Variants in ASIC2 observed in about 807,000 individuals in gnomAD.
The protein encoded by ASIC2 is acid sensing ion channel subunit 2, also known as acid-sensing ion channel 2.
In ASIC2, 25 loss-of-function variants were observed where a neutral mutation model predicts 57.3. The ratio of observed to expected loss-of-function variants is 0.44; its 90% CI spans 0.32 to 0.61. The LOEUF is 0.61. ASIC2 is among the 20% of genes least tolerant of loss of function. The pLI, the probability that ASIC2 is intolerant of heterozygous loss-of-function variation, is 0.06. For synonymous variants in ASIC2, 319 were observed against 307.5 expected, an observed-to-expected ratio of 1.04 and a Z score of -0.39; for missense variants, 641 against 738.1, an observed-to-expected ratio of 0.87 and a Z score of 1.52.
chr17:33,895,166 ATTT>A (rs11387427), intron 1 of ASIC2, among the ~76,000 whole-genome samples: 2 of 143,948 alleles, frequency 1.4e-5, no homozygotes, highest in Non-Finnish European at 1.5e-5. Flanking sequence ...TTTTTTTGCT[ATTT>A]TTTTTTTTTT....
intron 1 of ASIC2, among the ~76,000 whole-genome samples, chr17:33,573,982 C>T (rs1437792060): frequency 1.3e-5 from 2 of 152,122 alleles, no homozygotes; most frequent in Non-Finnish European, 2.9e-5. Flanking sequence ...GCTGCTTACT[C>T]ATTTGACCAT....
chr17:33,759,217 G>C (rs1478024578), intron 1 of ASIC2, among the ~76,000 whole-genome samples: 1 of 152,210 alleles, frequency 6.6e-6, no homozygotes, highest in Non-Finnish European at 1.5e-5. Context: ...CATCCTTGTT[G>C]TAAATTGGCA....
intron 1 of ASIC2, among the ~76,000 whole-genome samples, chr17:33,663,589 A>G (rs1907369679): frequency 6.6e-6 from 1 of 152,106 alleles, no homozygotes; most frequent in Admixed American, 6.5e-5. Context: ...TTTCATTTTG[A>G]AAGTCTTCCC....
chr17:33,919,359 G>A (rs1915658517), intron 1 of ASIC2, among the ~76,000 whole-genome samples: 1 of 152,178 alleles, frequency 6.6e-6, no homozygotes, highest in African/African-American at 2.4e-5. Context: ...CAGAAATAAA[G>A]CCATGCATCT....
intron 3 of ASIC2, among the ~76,000 whole-genome samples, chr17:33,053,523 C>T (rs1191543504): frequency 1.3e-5 from 2 of 152,144 alleles, no homozygotes; most frequent in Non-Finnish European, 2.9e-5. Flanking sequence ...GTAAGCATCC[C>T]TTCTTCTCTA....
chr17:33,239,732 G>A (rs1182197466), intron 1 of ASIC2, among the ~76,000 whole-genome samples: 1 of 152,192 alleles, frequency 6.6e-6, no homozygotes, highest in Non-Finnish European at 1.5e-5. Context: ...GATCTGGGGA[G>A]AGCCATAGAG....
chr17:33,909,921 C>T (rs111622279), intron 1 of ASIC2, among the ~76,000 whole-genome samples: 1 of 152,108 alleles, frequency 6.6e-6, no homozygotes, highest in African/African-American at 2.4e-5. Flanking sequence ...TGGGATTGAA[C>T]ACCAGTTCCT....
chr17:33,019,199 T>G (rs2091823534), intron 7 of ASIC2, among the ~76,000 whole-genome samples: 1 of 151,962 alleles, frequency 6.6e-6, no homozygotes, highest in South Asian at 2.1e-4. Context: ...GGGTCTGGGG[T>G]GTGTGCACGT....
chr17:33,550,361 C>T (rs563024526), intron 1 of ASIC2, among the ~76,000 whole-genome samples: 2 of 152,236 alleles, frequency 1.3e-5, no homozygotes, highest in Non-Finnish European at 2.9e-5. Flanking sequence ...CTCTGCTGGG[C>T]GACAATGACT....
intron 1 of ASIC2, among the ~76,000 whole-genome samples, chr17:33,635,274 T>C (rs2142029994): frequency 6.6e-6 from 1 of 152,376 alleles, no homozygotes; most frequent in East Asian, 1.9e-4. Flanking sequence ...GAGCACTTGC[T>C]ACGTCTCAGA....
At chr17:34,129,737 T>C (rs1911895675) in intron 1 of ASIC2, among the ~76,000 whole-genome samples, 1 of 152,194 alleles carries the variant, frequency 6.6e-6, no homozygotes, top group South Asian at 2.1e-4. Context: ...CAGAAGCCTT[T>C]TATAATGGAA....
intron 1 of ASIC2, among the ~76,000 whole-genome samples, chr17:33,208,710 A>G (rs1042695038): frequency 3.9e-5 from 6 of 151,902 alleles, no homozygotes; most frequent in South Asian, 4.2e-4. Context: ...CTTGTTCTCT[A>G]TGTAAAATGC....
intron 1 of ASIC2, among the ~76,000 whole-genome samples, chr17:33,905,753 A>T (rs1915333931): frequency 6.6e-6 from 1 of 152,146 alleles, no homozygotes; most frequent in South Asian, 2.1e-4. Context: ...ACATCAGACA[A>T]ATGAGAGAAT....
intron 1 of ASIC2, among the ~76,000 whole-genome samples, chr17:33,425,869 G>T (rs958419987): frequency 2.6e-5 from 4 of 152,132 alleles, no homozygotes; most frequent in Non-Finnish European, 5.9e-5. Context: ...TGCATATTTT[G>T]CTAGGGAGAG....
intron 1 of ASIC2, among the ~76,000 whole-genome samples, chr17:33,382,835 A>G (rs1414932256): frequency 4.6e-5 from 7 of 152,224 alleles, no homozygotes; most frequent in Admixed American, 4.6e-4. Context: ...GTAGCAAATG[A>G]GGACAAATAA....
chr17:34,042,704 GT>G (rs1191099287), intron 1 of ASIC2, among the ~76,000 whole-genome samples: 1 of 152,176 alleles, frequency 6.6e-6, no homozygotes, highest in Non-Finnish European at 1.5e-5. Context: ...ATAGCACTTG[GT>G]TTGAGCTGTT....
chr17:33,558,156 G>A (rs1297219611), intron 1 of ASIC2, among the ~76,000 whole-genome samples: 1 of 151,332 alleles, frequency 6.6e-6, no homozygotes, highest in African/African-American at 2.4e-5. Flanking sequence ...AGACGAGAGA[G>A]TGTAGAAATA....
At chr17:33,021,442 A>G in intron 6 of ASIC2, 132 bp from the exon 7 acceptor site, 1 of 726,018 alleles carries the variant, frequency 1.4e-6, no homozygotes, top group South Asian at 1.8e-5. Context: ...CCAAAGTTAG[A>G]GCTGGTTAGT....
chr17:33,974,986 G>A (rs1445191759), intron 1 of ASIC2, among the ~76,000 whole-genome samples: 1 of 151,984 alleles, frequency 6.6e-6, no homozygotes, highest in Non-Finnish European at 1.5e-5. Flanking sequence ...GTGGTGTGTT[G>A]GCCATCTCTC....
Sources: allele counts gnomAD v4.1 joint callset (sites outside exome capture counted in the v4.1 genomes callset), GRCh38; gene constraint gnomAD v4.1.1; transcripts MANE v1.5; gene names NCBI Gene and HGNC (gene_info 2026-07-23, HGNC 2026-07-21).